Variants in TMEM191C observed in about 807,000 individuals in gnomAD.
The protein encoded by TMEM191C is KB-1323B2.6.
Under a neutral mutation model 37.1 loss-of-function variants are expected in TMEM191C, and 26 were observed. The observed-to-expected ratio is 0.70, with a 90% CI of 0.51 to 0.97. The LOEUF (loss-of-function observed/expected upper bound fraction) is 0.97, where lower values mean the gene tolerates loss of function less well. Among genes scored for constraint, TMEM191C ranks in the 50% least tolerant of loss-of-function variants. The pLI, the probability that TMEM191C is intolerant of heterozygous loss-of-function variation, is 0.00. For synonymous variants in TMEM191C, 115 were observed against 143.7 expected (o/e 0.80, Z 1.43); for missense variants, 240 against 294.7 (o/e 0.81, Z 1.36).
At chr22:21,468,104 G>C in intron 2 of TMEM191C, 48 bp from the exon 3 acceptor site, 2 of 1,431,096 alleles carry the variant, frequency 1.4e-6, no homozygotes, top group Non-Finnish European at 1.9e-6. Flanking sequence ...GGTGGGGTGA[G>C]GTAGGACCGG....
rs1363492854 is a variant in TMEM191C at position 21,469,831 on chromosome 22, C to G, written c.*10C>G. The G allele has an allele frequency of 7.8e-6, 12 of 1,531,072 alleles. No individual in the cohort carries two copies. Among genetic ancestry groups the G allele is most frequent in the Non-Finnish European group, 1.0e-5 (12 of 1,145,808 alleles). 94.8% of individuals were successfully genotyped at this position (1,531,072 alleles called of 1,614,324 possible). On this transcript the variant is annotated 3_prime_UTR_variant, in exon 10 of 10. Transcript: ENST00000536718. ...GCTTCTGCCAACCTAAGTGCAGCGC[C>G]CCGCGCCTGGCTCCAGGTGGACTCC...
rs926785607 is a variant in TMEM191C, at chr22:21,469,408, C to A, written c.663+62C>A. ...AGCGGGACAACCCTCCCCGTCCCCC[C>A]CGCGGTACCGCCTCCCCCTCCTCCT... On this transcript the variant is annotated intron_variant, in intron 8 of 9. Coordinates refer to ENST00000536718, the MANE Select transcript of TMEM191C (RefSeq NM_001388354.1). 4.0e-5 allele frequency: 52 copies of A among 1,304,322 alleles called. 1 individual carries two copies. The Middle Eastern group carries it at 8.5e-4, about 21-fold the overall frequency. 80.8% of individuals were successfully genotyped at this position (1,304,322 alleles called of 1,614,324 possible).
In TMEM191C at chr22:21,468,377, G is replaced by C. The variant is rs550079204; in HGVS notation, c.354G>C (p.Leu118=). ...AGCTCTTCTACTACGGAGGGGAACT[G>C]CAGAGCCAGAAGAGCACGGAGCAGC... ...SSQLFYYGGE[L]QSQKSTEQQL... Residue 118 remains leucine (L), a synonymous_variant, in exon 4 of 10, where the codon CTG becomes CTC. Transcript: ENST00000536718. 6,109 of 1,534,986 alleles carry C rather than the reference G, an allele frequency of 4.0e-3. 16 individuals are homozygous for C. Among genetic ancestry groups the C allele is most frequent in the Non-Finnish European group, 4.9e-3 (5,649 of 1,146,656 alleles).
rs1156438141 is a variant in TMEM191C at position 21,469,871 on chromosome 22, T to G, written c.*50T>G. 2 of 1,499,134 alleles carry G rather than the reference T, an allele frequency of 1.3e-6. No individual in the cohort carries two copies. The highest frequency in any genetic ancestry group is 2.5e-5 in the South Asian group (2 of 80,086). The allele number at this position is 1,499,134 out of a possible 1,614,324, so 92.9% of individuals were successfully genotyped here. On this transcript the variant is annotated 3_prime_UTR_variant, in exon 10 of 10. Transcript: ENST00000536718. ...AGGTGGACTCCAGGGCACCTGGCTT[T>G]ATTTCTGGTGCACTCCTCTCCTGAG...
Position 21,469,205 on chromosome 22 carries a change from T to TG in TMEM191C, c.590+14dup, listed in dbSNP as rs1924647030. On this transcript the variant is annotated intron_variant, in intron 7 of 9. Coordinates refer to ENST00000536718, the MANE Select transcript of TMEM191C (RefSeq NM_001388354.1). ...GAGTGGCCGGGAACTGTAAGGGAGT[T>TG]GGGCCTGCGGGCGCGGCGGGGCACT... 1 of 1,391,804 alleles carries TG rather than the reference T, an allele frequency of 7.2e-7. No individual in the cohort carries two copies. Among genetic ancestry groups the TG allele is most frequent in the Admixed American group, 2.4e-5 (1 of 41,028 alleles). The allele number at this position is 1,391,804 out of a possible 1,614,324, so 86.2% of individuals were successfully genotyped here.
intron 3 of TMEM191C, 50 bp from the exon 4 acceptor site, chr22:21,468,304 C>G (rs1427666962): frequency 1.3e-6 from 2 of 1,535,378 alleles, no homozygotes; most frequent in Non-Finnish European, 1.7e-6. Context: ...CCCTGACACC[C>G]GTTCCTCCAG....
At chr22:21,468,125 G>C in intron 2 of TMEM191C, 27 bp from the exon 3 acceptor site, 1 of 1,480,442 alleles carries the variant, frequency 6.8e-7, no homozygotes, top group South Asian at 1.2e-5. Flanking sequence ...CGGAGAGGTC[G>C]GCACCGCCCC....
At chr22:21,468,309 C>T (rs1200320622) in intron 3 of TMEM191C, 45 bp from the exon 4 acceptor site, 6 of 1,535,446 alleles carry the variant, frequency 3.9e-6, no homozygotes, top group Middle Eastern at 3.6e-4. Context: ...ACACCCGTTC[C>T]TCCAGAAGCC....
intron 1 of TMEM191C, 28 bp downstream of exon 1, chr22:21,467,642 C>A (rs1225705288): frequency 4.6e-6 from 7 of 1,508,078 alleles, no homozygotes; most frequent in South Asian, 2.5e-5. Flanking sequence ...CTCTACCTGG[C>A]GGGCGCGCGA....
Position 21,469,543 on chromosome 22 carries a change from G to A in TMEM191C, c.704+9G>A, listed in dbSNP as rs745749459. ...CGCGCGCTGGCCATCAGGTGAGCCGGGCGGTGGGCGCGGCCGCGGTCCCCC... is the reference window on the plus strand; with the variant it reads ...CGCGCGCTGGCCATCAGGTGAGCCGAGCGGTGGGCGCGGCCGCGGTCCCCC... On this transcript the variant is annotated intron_variant, in intron 9 of 9. Coordinates refer to ENST00000536718, the MANE Select transcript of TMEM191C (RefSeq NM_001388354.1). 5.8e-6 allele frequency: 8 copies of A among 1,383,394 alleles called. No individual in the cohort carries two copies. Among genetic ancestry groups the A allele is most frequent in the Non-Finnish European group, 2.8e-6 (3 of 1,080,128 alleles). 85.7% of individuals were successfully genotyped at this position (1,383,394 alleles called of 1,614,324 possible).
In TMEM191C at chr22:21,467,454, A is replaced by C. The variant is rs772966972; in HGVS notation, c.-6A>C. ...CGGGCGGCATTTAGGCTCGGTCTCC[A>C]CAGCCATGGCCGCGACGCAGGAGCT... On this transcript the variant is annotated 5_prime_UTR_variant, in exon 1 of 10. Coordinates refer to ENST00000536718, the MANE Select transcript of TMEM191C (RefSeq NM_001388354.1). The C allele has an allele frequency of 5.9e-4, 270 of 454,688 alleles. 1 individual carries two copies. The highest frequency in any genetic ancestry group is 1.2e-4 in the Non-Finnish European group (31 of 269,506). 28.2% of individuals were successfully genotyped at this position (454,688 alleles called of 1,614,324 possible).
rs925068563 is a variant in TMEM191C at position 21,467,406 on chromosome 22, A to G, written c.-54A>G. ...CCTGCCGCCCATTGTGACGCCTGCC[A>G]GCCGCAGGCTGGGTCCCCGAGGCGG... On this transcript the variant is annotated 5_prime_UTR_variant, in exon 1 of 10. Coordinates refer to ENST00000536718, the MANE Select transcript of TMEM191C (RefSeq NM_001388354.1). 1.5e-5 allele frequency: 7 copies of G among 457,878 alleles called. No homozygotes were observed. Among genetic ancestry groups the G allele is most frequent in the African/African-American group, 1.4e-4 (2 of 14,702 alleles). The allele number at this position is 457,878 out of a possible 1,614,324, so 28.4% of individuals were successfully genotyped here.
chr22:21,469,379 C>G, intron 8 of TMEM191C, 33 bp downstream of exon 8: 1 of 1,290,622 alleles, frequency 7.7e-7, no homozygotes, highest in Non-Finnish European at 9.8e-7. Flanking sequence ...GCGGGGTGGG[C>G]TGGAGCGGGA....
rs752870467 is a variant in TMEM191C, at chr22:21,469,865, T to A, written c.*44T>A. 1 of 1,509,180 alleles carries A rather than the reference T, an allele frequency of 6.6e-7. No homozygotes were observed. The highest frequency in any genetic ancestry group is 1.2e-5 in the South Asian group (1 of 81,728). 93.5% of individuals were successfully genotyped at this position (1,509,180 alleles called of 1,614,324 possible). ...GGCTCCAGGTGGACTCCAGGGCACC[T>A]GGCTTTATTTCTGGTGCACTCCTCT... On this transcript the variant is annotated 3_prime_UTR_variant, in exon 10 of 10. Transcript: ENST00000536718.
Position 21,469,805 on chromosome 22 carries a change from G to A in TMEM191C, c.893G>A (p.Gly298Glu), listed in dbSNP as rs1347903178. 1.3e-6 allele frequency: 2 copies of A among 1,532,522 alleles called. No individual in the cohort carries two copies. Among genetic ancestry groups the A allele is most frequent in the East Asian group, 2.5e-5 (1 of 40,770 alleles). 94.9% of individuals were successfully genotyped at this position (1,532,522 alleles called of 1,614,324 possible). A position where few individuals can be genotyped will look rare whatever the true frequency, so the allele number is the denominator to read the frequency against. ...LSPLLELRAN[G>E]LLPT ...CCGCTGCTGGAGCTGCGCGCTAACG[G>A]GCTTCTGCCAACCTAAGTGCAGCGC... The change falls in exon 10 of 10, where the codon GGG (glycine) becomes GAG (glutamate). Residue 298 changes from glycine (G) to glutamate (E), a missense_variant. Physicochemically the swap from Gly to Glu is moderately conservative, Grantham distance 98. Coordinates refer to ENST00000536718, the MANE Select transcript of TMEM191C (RefSeq NM_001388354.1).
In TMEM191C at chr22:21,468,362, C is replaced by T. The variant is rs1189070607; in HGVS notation, c.339C>T (p.Tyr113=). ...ACAAGCCCCGCCCCTAGCTCTTCTA[C>T]TACGGAGGGGAACTGCAGAGCCAGA... ...QWEELSSQLF[Y]YGGELQSQKS... Residue 113 remains tyrosine (Y), a synonymous_variant, in exon 4 of 10, where the codon TAC becomes TAT. Transcript: ENST00000536718. The T allele has an allele frequency of 4.6e-6, 7 of 1,535,396 alleles. No homozygotes were observed. The East Asian group carries it at 1.5e-4, about 32-fold the overall frequency.
At chr22:21,469,560 C>T (rs1924665244) in intron 9 of TMEM191C, 26 bp downstream of exon 9, 2 of 1,407,682 alleles carry the variant, frequency 1.4e-6, no homozygotes, top group Non-Finnish European at 1.8e-6. Flanking sequence ...GGCGCGGCCG[C>T]GGTCCCCCAG....
chr22:21,468,382 G>A lies in TMEM191C; in HGVS notation c.359G>A (p.Ser120Asn), dbSNP rs1432950988. The A allele has an allele frequency of 1.3e-6, 2 of 1,534,912 alleles. No homozygotes were observed. Among genetic ancestry groups the A allele is most frequent in the Admixed American group, 3.9e-5 (2 of 50,946 alleles). The part of the protein sequence containing the change: ...QLFYYGGELQ[S>N]QKSTEQQLAA... ...TTCTACTACGGAGGGGAACTGCAGA[G>A]CCAGAAGAGCACGGAGCAGCAACTC... is the stretch of plus-strand genomic sequence containing the variant. The change falls in exon 4 of 10, where the codon AGC becomes AAC. Residue 120 changes from serine (S) to asparagine (N), a missense_variant. By Grantham distance (46) the Ser-to-Asn change is conservative. Around this residue, in one of 3 missense-constraint regions of TMEM191C, gnomAD observed 130 missense variants for 105.7 expected, o/e 1.23. Transcript: ENST00000536718.
chr22:21,468,148 G>T lies in TMEM191C; in HGVS notation c.280-4G>T, dbSNP rs1180413526. ...TCGGCACCGCCCCAGGACCCCGTCCGCAGGAGCAGCACAGCAGGCAGCTGC... is the reference window on the plus strand; with the variant it reads ...TCGGCACCGCCCCAGGACCCCGTCCTCAGGAGCAGCACAGCAGGCAGCTGC... On this transcript the variant is annotated splice_polypyrimidine_tract_variant and splice_region_variant and intron_variant, in intron 2 of 9. Transcript: ENST00000536718. 3.3e-6 allele frequency: 5 copies of T among 1,507,956 alleles called. No homozygotes were observed. Among genetic ancestry groups the T allele is most frequent in the Non-Finnish European group, 3.5e-6 (4 of 1,135,526 alleles). The allele number at this position is 1,507,956 out of a possible 1,614,324, so 93.4% of individuals were successfully genotyped here. A position where few individuals can be genotyped will look rare whatever the true frequency, so the allele number is the denominator to read the frequency against.
Sources: allele counts gnomAD v4.1 joint callset, GRCh38; gene constraint gnomAD v4.1.1; regional missense constraint gnomAD v4.1.1; transcripts MANE v1.5; gene names NCBI Gene and HGNC (gene_info 2026-07-23, HGNC 2026-07-21).